The following MKRN2 variants were observed in gnomAD, a reference collection of about 807,000 sequenced individuals.
MKRN2 encodes the protein makorin ring finger protein 2.
Under a neutral mutation model 45.4 loss-of-function variants are expected in MKRN2, and 32 were observed. The ratio of observed to expected loss-of-function variants is 0.70; its 90% CI spans 0.53 to 0.95. MKRN2 has a LOEUF of 0.95. Among genes scored for constraint, MKRN2 ranks in the 40% least tolerant of loss-of-function variants. The probability of loss-of-function intolerance (pLI) is 0.00; values close to 1 mark genes in which losing one functional copy is unlikely to be tolerated. For missense variants in MKRN2, 526 were observed against 536.7 expected (o/e 0.98, Z 0.20); for synonymous variants, 206 against 192.4 (o/e 1.07, Z -0.59).
intron 3 of MKRN2, among the ~76,000 whole-genome samples, chr3:12,570,883 C>CAA (rs889392244): frequency 1.2e-3 from 58 of 48,510 alleles, no homozygotes; most frequent in African/African-American, 2.6e-3. Flanking sequence ...GACTCCCTCT[C>CAA]AAAAAAAAAA....
At chr3:12,581,663 C>G in intron 6 of MKRN2, 145 bp from the exon 7 acceptor site, 1 of 837,256 alleles carries the variant, frequency 1.2e-6, no homozygotes, top group Admixed American at 2.3e-5. Context: ...AATCACTCAA[C>G]CTCTCCCAGC....
chr3:12,575,111 T>A, intron 5 of MKRN2, 105 bp downstream of exon 5: 6 of 1,061,264 alleles, frequency 5.7e-6, no homozygotes, highest in Non-Finnish European at 8.3e-6. Context: ...GAGTAACTGG[T>A]GAGTTCTGGC....
chr3:12,580,328 G>T (rs1232568759), intron 6 of MKRN2, among the ~76,000 whole-genome samples: 4 of 152,160 alleles, frequency 2.6e-5, no homozygotes, highest in Non-Finnish European at 5.9e-5. Context: ...TTTGAAGTCC[G>T]CTCAGAACTC....
intron 1 of MKRN2, among the ~76,000 whole-genome samples, chr3:12,557,643 A>T (rs1338228820): frequency 6.6e-6 from 1 of 152,282 alleles, no homozygotes; most frequent in African/African-American, 2.4e-5. Flanking sequence ...CTAAACTTGC[A>T]GAGAGTTAAC....
At chr3:12,570,602 T>TA (rs1294349556) in intron 3 of MKRN2, among the ~76,000 whole-genome samples, 1 of 152,006 alleles carries the variant, frequency 6.6e-6, no homozygotes, top group Non-Finnish European at 1.5e-5. Context: ...TTTGTCTGGG[T>TA]AAAGTGGCTC....
chr3:12,573,309 G>T (rs373459925), intron 4 of MKRN2, among the ~76,000 whole-genome samples: 10 of 151,736 alleles, frequency 6.6e-5, no homozygotes, highest in Admixed American at 3.9e-4. Flanking sequence ...CAGATTGCTT[G>T]ACCCCAGGAG....
At chr3:12,576,780 C>T (rs769686283) in intron 6 of MKRN2, 39 bp downstream of exon 6, 4 of 1,426,408 alleles carry the variant, frequency 2.8e-6, no homozygotes, top group Non-Finnish European at 3.9e-6. Flanking sequence ...CTGCTGCCTG[C>T]CTGGCTCTGC....
At position 12,582,348 on chromosome 3, in the gene MKRN2, G is replaced by T; in HGVS notation, c.*95G>T. ...TTCCCTGTACTGCAGCCAAGGTGAC[G>T]TGTGACTTGGATTTGAGTGGAGTTG... On this transcript the variant is annotated 3_prime_UTR_variant, in exon 8 of 8. Coordinates refer to ENST00000170447, the MANE Select transcript of MKRN2 (RefSeq NM_014160.5). 2 of 1,498,080 alleles carry T rather than the reference G, an allele frequency of 1.3e-6. No individual in the cohort carries two copies. The highest frequency in any genetic ancestry group is 1.8e-5 in the Admixed American group (1 of 54,894). The allele number at this position is 1,498,080 out of a possible 1,614,324, so 92.8% of individuals were successfully genotyped here.
chr3:12,565,731 G>A (rs116442508), intron 1 of MKRN2, among the ~76,000 whole-genome samples: 2,219 of 151,996 alleles, frequency 0.015, 32 homozygotes, highest in Admixed American at 0.043. Context: ...GTAGAGACGA[G>A]GTTTCACCAT....
At chr3:12,570,923 A>G (rs1373295479) in intron 3 of MKRN2, among the ~76,000 whole-genome samples, 1 of 151,246 alleles carries the variant, frequency 6.6e-6, no homozygotes, top group Non-Finnish European at 1.5e-5. Flanking sequence ...ATATTTTGCT[A>G]AAGAGCATGT....
At chr3:12,581,024 T>C (rs986267230) in intron 6 of MKRN2, among the ~76,000 whole-genome samples, 1 of 152,110 alleles carries the variant, frequency 6.6e-6, no homozygotes, top group Non-Finnish European at 1.5e-5. Flanking sequence ...TTAACTTCAG[T>C]TTGGGATCCT....
At chr3:12,569,953 A>G (rs2125303630) in intron 2 of MKRN2, 118 bp from the exon 3 acceptor site, 2 of 954,354 alleles carry the variant, frequency 2.1e-6, no homozygotes, top group Middle Eastern at 3.5e-4. Flanking sequence ...ATTGGAAAAG[A>G]TGGCCGCCTT....
intron 5 of MKRN2, among the ~76,000 whole-genome samples, chr3:12,575,288 C>T (rs949376015): frequency 3.9e-5 from 6 of 152,188 alleles, no homozygotes; most frequent in African/African-American, 1.4e-4. Context: ...CTGTTTTCAT[C>T]TCCTAGCCTT....
intron 1 of MKRN2, among the ~76,000 whole-genome samples, chr3:12,566,450 TTGTTTC>T (rs1213184233): frequency 1.0e-5 from 1 of 98,772 alleles, no homozygotes; most frequent in Non-Finnish European, 1.9e-5. Flanking sequence ...AGAAGCAAGT[TTGTTTC>T]TCTCTCTCTC....
chr3:12,566,921 A>G (rs1291708935), intron 1 of MKRN2, among the ~76,000 whole-genome samples: 2 of 152,212 alleles, frequency 1.3e-5, no homozygotes, highest in African/African-American at 4.8e-5. Flanking sequence ...TATTTAAATC[A>G]TCCATTTCTC....
chr3:12,557,120 G>A lies in MKRN2; in HGVS notation c.-31G>A, dbSNP rs376966478. Reference sequence around the variant, plus strand: ...GGCGGCAGCGGCTGCGAGAGGCGGCGGCACGACGACGGTCCCTCAGCCCAG... The same window carrying A: ...GGCGGCAGCGGCTGCGAGAGGCGGCAGCACGACGACGGTCCCTCAGCCCAG... On this transcript the variant is annotated 5_prime_UTR_variant, in exon 1 of 8. Transcript: ENST00000170447. The A allele has an allele frequency of 6.0e-6, 9 of 1,493,724 alleles. No homozygotes were observed. Among genetic ancestry groups the A allele is most frequent in the Admixed American group, 4.5e-5 (2 of 44,520 alleles). 92.5% of individuals were successfully genotyped at this position (1,493,724 alleles called of 1,614,324 possible). A position where few individuals can be genotyped will look rare whatever the true frequency, so the allele number is the denominator to read the frequency against.
intron 3 of MKRN2, 27 bp from the exon 4 acceptor site, chr3:12,572,042 T>C (rs2058102639): frequency 1.9e-6 from 3 of 1,544,004 alleles, no homozygotes; most frequent in Non-Finnish European, 2.6e-6. Flanking sequence ...CATTTTCATG[T>C]GCATGTGTGC....
chr3:12,575,516 C>T (rs1456848906), intron 5 of MKRN2, among the ~76,000 whole-genome samples: 1 of 152,180 alleles, frequency 6.6e-6, no homozygotes, highest in Non-Finnish European at 1.5e-5. Flanking sequence ...GAAGAGCTGG[C>T]ATGTGGAGAG....
intron 2 of MKRN2, among the ~76,000 whole-genome samples, chr3:12,569,490 C>G (rs1036281202): frequency 2.0e-5 from 3 of 152,130 alleles, no homozygotes; most frequent in African/African-American, 7.2e-5. Context: ...TACTTTTCAG[C>G]CTTATTCTTA....
Sources: gnomAD v4.1 joint callset for allele counts (sites outside exome capture counted in the v4.1 genomes callset) on GRCh38, gnomAD v4.1.1 for gene constraint, MANE v1.5 for transcripts, NCBI Gene and HGNC (gene_info 2026-07-23, HGNC 2026-07-21) for gene names.